Variants in MAGI2 observed in about 807,000 individuals in gnomAD.
MAGI2 encodes the protein membrane associated guanylate kinase, WW and PDZ domain containing 2.
A neutral mutation model predicts 133.3 loss-of-function variants in MAGI2; 35 were observed. That is an observed-to-expected ratio of 0.26 (90% CI 0.20 to 0.35). The LOEUF (loss-of-function observed/expected upper bound fraction) is 0.35, where lower values mean the gene tolerates loss of function less well. Among genes scored for constraint, MAGI2 ranks in the 10% least tolerant of loss-of-function variants. The pLI is 1.00. For missense variants in MAGI2, 1,636 were observed against 1,863.4 expected, an observed-to-expected ratio of 0.88 and a Z score of 2.25; for synonymous variants, 729 against 710.6, an observed-to-expected ratio of 1.03 and a Z score of -0.41.
chr7:78,070,218 T>TATATACACACAC (rs1453553515), intron 21 of MAGI2, among the ~76,000 whole-genome samples: 1 of 52,296 alleles, frequency 1.9e-5, no homozygotes, highest in African/African-American at 4.7e-5. Flanking sequence ...TATATATATA[T>TATATACACACAC]ACACACACAC....
intron 3 of MAGI2, among the ~76,000 whole-genome samples, chr7:78,607,619 G>A (rs1805967875): frequency 6.6e-6 from 1 of 152,094 alleles, no homozygotes; most frequent in African/African-American, 2.4e-5. Flanking sequence ...TGGTGGTTTA[G>A]CTGCTCAAAT....
At chr7:78,337,294 G>A (rs1789870953) in intron 9 of MAGI2, among the ~76,000 whole-genome samples, 1 of 152,166 alleles carries the variant, frequency 6.6e-6, no homozygotes, top group Non-Finnish European at 1.5e-5. Flanking sequence ...AACATCATAG[G>A]ATCATCAGGG....
intron 3 of MAGI2, among the ~76,000 whole-genome samples, chr7:78,624,333 C>T (rs1043995768): frequency 2.6e-5 from 4 of 152,082 alleles, no homozygotes; most frequent in African/African-American, 9.7e-5. Flanking sequence ...TCCCATTTGT[C>T]AATTCGCTTT....
chr7:78,333,285 G>C (rs1357204222), intron 9 of MAGI2, among the ~76,000 whole-genome samples: 1 of 152,182 alleles, frequency 6.6e-6, no homozygotes, highest in African/African-American at 2.4e-5. Flanking sequence ...CAGAAAGATT[G>C]TGAGAAGGCA....
chr7:78,130,385 G>A (rs1821443473), intron 18 of MAGI2, among the ~76,000 whole-genome samples: 1 of 152,088 alleles, frequency 6.6e-6, no homozygotes, highest in African/African-American at 2.4e-5. Flanking sequence ...CATGGGAACG[G>A]GCTGAATCTG....
chr7:78,057,661 C>T (rs1390082784), intron 21 of MAGI2, among the ~76,000 whole-genome samples: 1 of 152,096 alleles, frequency 6.6e-6, no homozygotes, highest in Non-Finnish European at 1.5e-5. Context: ...ACAACCATAG[C>T]ACAACTTGGG....
intron 2 of MAGI2, among the ~76,000 whole-genome samples, chr7:78,764,035 A>G (rs905517618): frequency 5.9e-5 from 9 of 152,182 alleles, no homozygotes; most frequent in Admixed American, 4.6e-4. Flanking sequence ...TGATTCTTAC[A>G]TAGTGCTGTG....
At chr7:79,360,142 T>A (rs1229081254) in intron 1 of MAGI2, among the ~76,000 whole-genome samples, 1 of 152,174 alleles carries the variant, frequency 6.6e-6, no homozygotes, top group Admixed American at 6.5e-5. Flanking sequence ...GATATGACCT[T>A]TTCAGCAATC....
intron 2 of MAGI2, among the ~76,000 whole-genome samples, chr7:78,959,054 C>T (rs1344596936): frequency 6.6e-6 from 1 of 152,116 alleles, no homozygotes; most frequent in Admixed American, 6.6e-5. Flanking sequence ...CACGGGCAAC[C>T]TTGTAAGATC....
chr7:78,634,704 T>G (rs1175763364), intron 2 of MAGI2, among the ~76,000 whole-genome samples: 3 of 152,174 alleles, frequency 2.0e-5, no homozygotes, highest in African/African-American at 4.8e-5. Flanking sequence ...TGATGAATAG[T>G]TGACAGCAAA....
At chr7:78,020,002 G>T in intron 21 of MAGI2, 26 bp from the exon 22 acceptor site, 1 of 1,573,750 alleles carries the variant, frequency 6.4e-7, no homozygotes, top group Non-Finnish European at 8.6e-7. Flanking sequence ...ACAGGCGTTA[G>T]CAGTGGCGCA....
intron 1 of MAGI2, among the ~76,000 whole-genome samples, chr7:79,440,340 G>T (rs903362426): frequency 1.3e-5 from 2 of 151,962 alleles, no homozygotes; most frequent in Non-Finnish European, 2.9e-5. Context: ...CTTCAAGTTG[G>T]TTTTTGCATG....
chr7:78,514,527 G>C (rs911626439), intron 4 of MAGI2, among the ~76,000 whole-genome samples: 8 of 152,062 alleles, frequency 5.3e-5, no homozygotes, highest in East Asian at 1.9e-4. Context: ...CCAGTACTCT[G>C]GGAACAAGAT....
At chr7:78,160,734 G>A (rs1224717596) in intron 15 of MAGI2, among the ~76,000 whole-genome samples, 17 of 152,178 alleles carry the variant, frequency 1.1e-4, no homozygotes. Context: ...TTCTCAGTAG[G>A]TCTGGGCACA....
intron 1 of MAGI2, among the ~76,000 whole-genome samples, chr7:79,155,505 T>C (rs1043328856): frequency 1.3e-5 from 2 of 151,992 alleles, no homozygotes; most frequent in Non-Finnish European, 2.9e-5. Context: ...GGGAACACCA[T>C]GGTTCCATAA....
intron 2 of MAGI2, among the ~76,000 whole-genome samples, chr7:78,892,931 A>T (rs991739657): frequency 2.6e-4 from 39 of 152,242 alleles, no homozygotes; most frequent in Non-Finnish European, 4.7e-4. Context: ...CTACCATCAG[A>T]GTGAACAGGC....
intron 2 of MAGI2, among the ~76,000 whole-genome samples, chr7:78,943,714 A>T (rs6943858): frequency 3.8e-4 from 58 of 152,170 alleles, no homozygotes; most frequent in Admixed American, 1.6e-3. Flanking sequence ...GGAATGATTT[A>T]TTGCAAGTAG....
chr7:78,065,615 C>G, intron 21 of MAGI2: 1 of 697,934 alleles, frequency 1.4e-6, no homozygotes. Flanking sequence ...TATGGGGACC[C>G]ATGCTTGTCA....
At chr7:79,277,474 T>C (rs1277638614) in intron 1 of MAGI2, among the ~76,000 whole-genome samples, 2 of 152,280 alleles carry the variant, frequency 1.3e-5, no homozygotes, top group African/African-American at 4.8e-5. Flanking sequence ...TGGACCCAAC[T>C]CTGTAATATG....
Sources: allele counts gnomAD v4.1 joint callset (sites outside exome capture counted in the v4.1 genomes callset), GRCh38; gene constraint gnomAD v4.1.1; transcripts MANE v1.5; gene names NCBI Gene and HGNC (gene_info 2026-07-23, HGNC 2026-07-21).